PPM1E: variants seen among roughly 807,000 people sequenced by gnomAD.
PPM1E encodes protein phosphatase 1E.
A neutral mutation model predicts 65.9 loss-of-function variants in PPM1E; 20 were observed. The ratio of observed to expected loss-of-function variants is 0.30; its 90% CI spans 0.21 to 0.44. The LOEUF is 0.44. PPM1E is among the 20% of genes least tolerant of loss of function. The probability of loss-of-function intolerance (pLI) is 1.00; values close to 1 mark genes in which losing one functional copy is unlikely to be tolerated. For synonymous variants in PPM1E, 352 were observed against 374.9 expected, an observed-to-expected ratio of 0.94 and a Z score of 0.70; for missense variants, 713 against 953.1, an observed-to-expected ratio of 0.75 and a Z score of 3.32.
intron 1 of PPM1E, among the ~76,000 whole-genome samples, chr17:58,917,024 A>G (rs1197798333): frequency 6.6e-6 from 1 of 152,114 alleles, no homozygotes; most frequent in Non-Finnish European, 1.5e-5. Context: ...AGCCGAGCCA[A>G]CATGGTGAAA....
chr17:58,948,109 A>G (rs2052187227), intron 1 of PPM1E, among the ~76,000 whole-genome samples: 1 of 152,212 alleles, frequency 6.6e-6, no homozygotes. Flanking sequence ...ACAAACTTCA[A>G]AAGTCACACA....
At chr17:58,912,859 G>A (rs1012447840) in intron 1 of PPM1E, among the ~76,000 whole-genome samples, 3 of 152,278 alleles carry the variant, frequency 2.0e-5, no homozygotes, top group Non-Finnish European at 4.4e-5. Context: ...AATCAATCAT[G>A]CCTATATAAT....
intron 1 of PPM1E, among the ~76,000 whole-genome samples, chr17:58,941,775 C>T (rs370279757): frequency 2.7e-5 from 4 of 148,242 alleles, no homozygotes; most frequent in Non-Finnish European, 5.9e-5. Context: ...GAGGCCGAGG[C>T]GGGCAGATCA....
intron 1 of PPM1E, among the ~76,000 whole-genome samples, chr17:58,912,214 A>T (rs2051635967): frequency 6.6e-6 from 1 of 152,156 alleles, no homozygotes; most frequent in Non-Finnish European, 1.5e-5. Context: ...GCACAACAAG[A>T]GCGGGAGGGC....
At chr17:58,860,332 C>T (rs1598614608) in intron 1 of PPM1E, among the ~76,000 whole-genome samples, 1 of 152,178 alleles carries the variant, frequency 6.6e-6, no homozygotes, top group Non-Finnish European at 1.5e-5. Flanking sequence ...CCATTTGGAG[C>T]TAGCCAGTAA....
intron 2 of PPM1E, among the ~76,000 whole-genome samples, 179 bp downstream of exon 2, chr17:58,955,946 G>A (rs1366972811): frequency 6.6e-6 from 1 of 152,110 alleles, no homozygotes; most frequent in Non-Finnish European, 1.5e-5. Flanking sequence ...AGGAAGGGAA[G>A]AAGAGAAAAA....
intron 1 of PPM1E, among the ~76,000 whole-genome samples, chr17:58,952,286 A>G (rs1002479481): frequency 6.6e-6 from 1 of 152,072 alleles, no homozygotes; most frequent in African/African-American, 2.4e-5. Flanking sequence ...GTGGCCATGG[A>G]CTGTTACTCT....
rs1321223144 is a variant in PPM1E, at chr17:58,980,507, A to G, written c.1744A>G (p.Ser582Gly). 6.2e-7 allele frequency: 1 copy of G among 1,614,236 alleles called. No homozygotes were observed. The highest frequency in any genetic ancestry group is 1.7e-5 in the Admixed American group (1 of 60,030). ...ACAAATAGAAGCAAGCAAACCTCAC[A>G]GTGCCCAGTTTTTGCTACCAGTTGA... is the stretch of plus-strand genomic sequence containing the variant. ...LTQIEASKPH[S>G]AQFLLPVEMF... The change falls in exon 7 of 7, where the codon AGT becomes GGT. Residue 582 changes from serine (S) to glycine (G), a missense_variant. Physicochemically the swap from Ser to Gly is moderately conservative, Grantham distance 56 (BLOSUM62 0). Transcript: ENST00000308249. The surrounding 1 kb of genome is among the most constrained non-coding windows in gnomAD (Gnocchi z 4.7).
intron 1 of PPM1E, among the ~76,000 whole-genome samples, chr17:58,938,750 T>C (rs1205455471): frequency 6.6e-6 from 1 of 151,662 alleles, no homozygotes; most frequent in East Asian, 1.9e-4. Flanking sequence ...ATGAACATGC[T>C]CAGTACTCAT....
At chr17:58,892,185 G>A (rs1598633409) in intron 1 of PPM1E, among the ~76,000 whole-genome samples, 1 of 152,072 alleles carries the variant, frequency 6.6e-6, no homozygotes, top group Non-Finnish European at 1.5e-5. Flanking sequence ...AAATGCACTA[G>A]GCTCTGTACC....
chr17:58,927,426 A>G (rs1971659), intron 1 of PPM1E, among the ~76,000 whole-genome samples: 96,648 of 151,712 alleles, frequency 0.64, 31,174 homozygotes, highest in African/African-American at 0.71. Context: ...CACCGCACCC[A>G]GCCGACTTTT....
chr17:58,981,708 A>G lies in PPM1E; in HGVS notation c.*677A>G, dbSNP rs142423992. 1,810 of 152,538 alleles carry G rather than the reference A, an allele frequency of 0.012. 18 individuals carry two copies. The highest frequency in any genetic ancestry group is 0.041 in the Middle Eastern group (12 of 294). The allele number at this position is 152,538 out of a possible 1,614,324, so 9.4% of individuals were successfully genotyped here. ...TTTTTTTAATTAAAAAATATTTCCT[A>G]GGGCTGTAGTTATTTGGGAGTTTCA... On this transcript the variant is annotated 3_prime_UTR_variant, in exon 7 of 7. Coordinates refer to ENST00000308249, the MANE Select transcript of PPM1E (RefSeq NM_014906.5).
intron 3 of PPM1E, 155 bp from the exon 4 acceptor site, chr17:58,969,384 T>A (rs2030452684): frequency 2.6e-6 from 2 of 765,252 alleles, no homozygotes; most frequent in Non-Finnish European, 4.6e-6. Flanking sequence ...CAGCAGTTGA[T>A]CAGGCATGTT....
chr17:58,799,546 G>A (rs759669173), intron 1 of PPM1E, among the ~76,000 whole-genome samples: 7 of 152,116 alleles, frequency 4.6e-5, no homozygotes, highest in Non-Finnish European at 1.0e-4. Flanking sequence ...GGGCTCAAGC[G>A]ATTCTTCTGC....
At chr17:58,914,483 G>A (rs1305003352) in intron 1 of PPM1E, among the ~76,000 whole-genome samples, 1 of 152,070 alleles carries the variant, frequency 6.6e-6, no homozygotes, top group Non-Finnish European at 1.5e-5. Context: ...TTCAATTTGG[G>A]CTTATCTCAT....
chr17:58,902,734 T>G (rs1054722399), intron 1 of PPM1E, among the ~76,000 whole-genome samples: 1 of 152,164 alleles, frequency 6.6e-6, no homozygotes, highest in African/African-American at 2.4e-5. Flanking sequence ...AGAAAAACAG[T>G]CTTTCAAAAT....
chr17:58,964,956 A>T (rs561965083), intron 2 of PPM1E, among the ~76,000 whole-genome samples: 45 of 151,940 alleles, frequency 3.0e-4, no homozygotes, highest in Non-Finnish European at 6.2e-4. Context: ...GAGGCAGGAG[A>T]ATCACTTGAA....
rs147678800 is a variant in PPM1E at position 58,788,941 on chromosome 17, A to G, written c.464+32480A>G. ...AATTTTAGTCAGTGATCCAGAACTC[A>G]CCTAAGCAGCCAGATTAGCTGAGTT... On this transcript the variant is annotated intron_variant, in intron 1 of 6. Transcript: ENST00000308249. Among the ~76,000 whole-genome samples, 16 of 152,344 alleles carry G rather than the reference A, an allele frequency of 1.1e-4. 1 individual carries two copies. In the East Asian group the frequency reaches 3.1e-3, roughly 29 times the overall value.
chr17:58,957,864 A>C (rs1433113367), intron 2 of PPM1E, among the ~76,000 whole-genome samples: 1 of 152,206 alleles, frequency 6.6e-6, no homozygotes, highest in Non-Finnish European at 1.5e-5. Context: ...TTTGAGGGCC[A>C]GCTGTTGGTG....
Sources: gnomAD v4.1 joint callset for allele counts (sites outside exome capture counted in the v4.1 genomes callset) on GRCh38, gnomAD v4.1.1 for gene constraint, Gnocchi (gnomAD v3.1) non-coding constraint, MANE v1.5 for transcripts, NCBI Gene and HGNC (gene_info 2026-07-23, HGNC 2026-07-21) for gene names.